The following WDR59 variants were observed in gnomAD, a reference collection of about 807,000 sequenced individuals.
The protein encoded by WDR59 is GATOR2 complex protein WDR59.
In WDR59, 100 loss-of-function variants were observed where a neutral mutation model predicts 131.2. That is an observed-to-expected ratio of 0.76 (90% CI 0.65 to 0.90). The LOEUF (loss-of-function observed/expected upper bound fraction) is 0.90, where lower values mean the gene tolerates loss of function less well. Among genes scored for constraint, WDR59 ranks in the 40% least tolerant of loss-of-function variants. The pLI is 0.00. For missense variants in WDR59, 1,203 were observed against 1,262.2 expected (o/e 0.95, Z 0.71); for synonymous variants, 601 against 466.2 (o/e 1.29, Z -3.72).
At chr16:74,943,522 C>A (rs1463687657) in intron 6 of WDR59, among the ~76,000 whole-genome samples, 1 of 152,068 alleles carries the variant, frequency 6.6e-6, no homozygotes, top group Non-Finnish European at 1.5e-5. Context: ...AGACAGGAGG[C>A]ATAATGTGAG....
At chr16:74,952,930 T>G (rs1400740187) in intron 3 of WDR59, among the ~76,000 whole-genome samples, 1 of 152,066 alleles carries the variant, frequency 6.6e-6, no homozygotes, top group Admixed American at 6.6e-5. Flanking sequence ...CCAAAGAGAA[T>G]AGGAATGAAA....
chr16:74,932,345 C>T (rs969097019), intron 8 of WDR59, among the ~76,000 whole-genome samples: 2 of 151,900 alleles, frequency 1.3e-5, no homozygotes, highest in African/African-American at 4.8e-5. Context: ...CCACCTCGGC[C>T]TCTCAAAGTG....
intron 18 of WDR59, among the ~76,000 whole-genome samples, chr16:74,903,669 T>G (rs1965661838): frequency 6.6e-6 from 1 of 151,486 alleles, no homozygotes; most frequent in African/African-American, 2.4e-5. Flanking sequence ...GGGAATCAAC[T>G]CAGGGAGTGG....
rs781528626 is a variant in WDR59, at chr16:74,885,782, C to T, written c.2560G>A (p.Ala854Thr). The change falls in exon 25 of 26, where the codon GCC becomes ACC. Residue 854 changes from alanine to threonine, a missense_variant. Physicochemically the swap from Ala to Thr is moderately conservative, Grantham distance 58. Transcript: ENST00000262144. ...AAGTCATCAAATTGCTGGGTATTGGCGGGGTCCAGGAGCCTGGATAAAGTT... is the reference window on the plus strand; with the variant it reads ...AAGTCATCAAATTGCTGGGTATTGGTGGGGTCCAGGAGCCTGGATAAAGTT... ...HDKNKRLLDPANTQQFDDFKK... is the reference protein window; with the variant it reads ...HDKNKRLLDPTNTQQFDDFKK... 15 of 1,613,678 alleles carry T rather than the reference C, an allele frequency of 9.3e-6. No homozygotes were observed. The highest frequency in any genetic ancestry group is 2.2e-5 in the East Asian group (1 of 44,876).
At chr16:74,916,634 G>C (rs967366920) in intron 11 of WDR59, among the ~76,000 whole-genome samples, 3 of 152,136 alleles carry the variant, frequency 2.0e-5, no homozygotes, top group African/African-American at 4.8e-5. Flanking sequence ...CGAGGCAGGT[G>C]GATCACCTGA....
intron 6 of WDR59, 37 bp from the exon 7 acceptor site, chr16:74,942,863 T>G (rs773027805): frequency 6.3e-7 from 1 of 1,595,232 alleles, no homozygotes; most frequent in Admixed American, 1.7e-5. Flanking sequence ...CTGCTGCCCT[T>G]GGTGCTTTCG....
intron 18 of WDR59, among the ~76,000 whole-genome samples, chr16:74,894,938 T>C (rs763607717): frequency 3.3e-5 from 5 of 152,238 alleles, no homozygotes; most frequent in African/African-American, 4.8e-5. Flanking sequence ...CTATTATGAA[T>C]GTATATAAAC....
chr16:74,972,578 A>G (rs1188291357), intron 1 of WDR59, among the ~76,000 whole-genome samples: 2 of 152,038 alleles, frequency 1.3e-5, no homozygotes, highest in Non-Finnish European at 2.9e-5. Context: ...TCACACCTGT[A>G]ATCTCAGCAC....
intron 25 of WDR59, among the ~76,000 whole-genome samples, chr16:74,878,375 C>T (rs1057224111): frequency 4.6e-5 from 7 of 152,170 alleles, no homozygotes; most frequent in Admixed American, 2.0e-4. Flanking sequence ...AGTACTTGGC[C>T]GGGTGCCGTG....
At chr16:74,917,869 G>T (rs1313883420) in intron 11 of WDR59, 60 bp downstream of exon 11, 11 of 1,304,148 alleles carry the variant, frequency 8.4e-6, no homozygotes, top group Admixed American at 1.9e-5. Context: ...CGCAAATCCT[G>T]AATCTTACAC....
At chr16:74,979,121 C>A (rs1324039709) in intron 1 of WDR59, 1 of 152,056 alleles carries the variant, frequency 6.6e-6, no homozygotes, top group Non-Finnish European at 1.5e-5. Flanking sequence ...ATTAAAATGC[C>A]ATAAAATTGA....
chr16:74,873,894 G>GT lies in WDR59; in HGVS notation c.*314dup. On this transcript the variant is annotated 3_prime_UTR_variant, in exon 26 of 26. Transcript: ENST00000262144. ...GGCTAACACCTTACAGGGTAACACT[G>GT]TAACACTGGCCCTGGAGCCAGGTGC... 2.8e-6 allele frequency: 1 copy of GT among 361,092 alleles called. No individual in the cohort carries two copies. The highest frequency in any genetic ancestry group is 5.2e-6 in the Non-Finnish European group (1 of 191,624). 22.4% of individuals were successfully genotyped at this position (361,092 alleles called of 1,614,324 possible).
rs1216836534 is a variant in WDR59, at chr16:74,871,667, G to C, written c.*2542C>G. On this transcript the variant is annotated 3_prime_UTR_variant, in exon 26 of 26. Transcript: ENST00000262144. ...ACAGGTTTTTACACTAACTTGAGCA[G>C]TGGGGAACAGGAAAAGATTGCTCTC... The C allele has an allele frequency of 6.6e-6, 1 of 152,222 alleles. No homozygotes were observed. Among genetic ancestry groups the C allele is most frequent in the Non-Finnish European group, 1.5e-5 (1 of 68,038 alleles). The allele number at this position is 152,222 out of a possible 1,614,324, so 9.4% of individuals were successfully genotyped here.
chr16:74,948,387 C>T (rs1285693088), intron 6 of WDR59, 132 bp downstream of exon 6: 1 of 864,224 alleles, frequency 1.2e-6, no homozygotes, highest in Admixed American at 2.1e-5. Flanking sequence ...TCCACTCAGC[C>T]ACGGCGCAGC....
At chr16:74,951,984 T>C (rs74026630) in intron 3 of WDR59, among the ~76,000 whole-genome samples, 1 of 151,840 alleles carries the variant, frequency 6.6e-6, no homozygotes. Context: ...TACCACAGGT[T>C]TTTGTTTTTT....
intron 1 of WDR59, among the ~76,000 whole-genome samples, chr16:74,977,576 CACTCGG>C (rs2034238177): frequency 6.6e-6 from 1 of 151,990 alleles, no homozygotes; most frequent in Admixed American, 6.6e-5. Context: ...TAGTCCCAGC[CACTCGG>C]GAAGCTAAGG....
At chr16:74,926,041 A>T in intron 8 of WDR59, among the ~76,000 whole-genome samples, 1 of 147,586 alleles carries the variant, frequency 6.8e-6, no homozygotes, top group African/African-American at 2.5e-5. Context: ...TATGGAAAAC[A>T]GTGAAAAAGT....
chr16:74,970,495 C>CGAAAAAA (rs2033936954), intron 1 of WDR59, among the ~76,000 whole-genome samples: 1 of 33,446 alleles, frequency 3.0e-5, no homozygotes. Context: ...ACTCTGTCTC[C>CGAAAAAA]AAAAAAAAAA....
At chr16:74,899,546 AC>A (rs1294088674) in intron 18 of WDR59, among the ~76,000 whole-genome samples, 1 of 151,882 alleles carries the variant, frequency 6.6e-6, no homozygotes, top group African/African-American at 2.4e-5. Context: ...TGGTGTCTGA[AC>A]TCCCCCAAGC....
Sources: gnomAD v4.1 joint callset for allele counts (sites outside exome capture counted in the v4.1 genomes callset) on GRCh38, gnomAD v4.1.1 for gene constraint, MANE v1.5 for transcripts, NCBI Gene and HGNC (gene_info 2026-07-23, HGNC 2026-07-21) for gene names.